NADK2: variants seen among roughly 807,000 people sequenced by gnomAD.
NADK2 encodes the protein NAD kinase 2, mitochondrial.
In NADK2, 35 loss-of-function variants were observed where a neutral mutation model predicts 62.1. That is an observed-to-expected ratio of 0.56 (90% CI 0.43 to 0.75). The LOEUF (loss-of-function observed/expected upper bound fraction) is 0.75, where lower values mean the gene tolerates loss of function less well. Among genes scored for constraint, NADK2 ranks in the 30% least tolerant of loss-of-function variants. The pLI is 0.00. For missense variants in NADK2, 439 were observed against 561.3 expected (o/e 0.78, Z 2.20); for synonymous variants, 205 against 207.9 (o/e 0.99, Z 0.12).
Position 36,211,899 on chromosome 5 carries a change from G to A in NADK2, c.805C>T (p.Leu269Phe). The change falls in exon 7 of 12, where the codon CTT (leucine) becomes TTT (phenylalanine). Residue 269 changes from leucine (L) to phenylalanine (F), a missense_variant. By Grantham distance (22) the Leu-to-Phe change is conservative. Transcript: ENST00000381937. Reference protein sequence around the residue: ...DERSEASGPQLLPVRALNEVF... With the variant: ...DERSEASGPQFLPVRALNEVF... ...TCATTTAGTGCTCTCACTGGCAGAA[G>A]TTGGGGTCCTGAAGCCTCAGACCCT... 6.2e-7 allele frequency: 1 copy of A among 1,613,766 alleles called. No homozygotes were observed. The highest frequency in any genetic ancestry group is 1.1e-5 in the South Asian group (1 of 91,060).
At chr5:36,224,962 TA>T (rs1339523299) in intron 4 of NADK2, among the ~76,000 whole-genome samples, 2 of 152,024 alleles carry the variant, frequency 1.3e-5, no homozygotes, top group African/African-American at 2.4e-5. Flanking sequence ...ATGAGGAATA[TA>T]AATACAAGCC....
At chr5:36,240,156 A>G (rs1748053217) in intron 1 of NADK2, among the ~76,000 whole-genome samples, 1 of 152,206 alleles carries the variant, frequency 6.6e-6, no homozygotes, top group Admixed American at 6.5e-5. Context: ...ACTCCCTAAT[A>G]CAAACTCAAC....
At position 36,201,086 on chromosome 5, in the gene NADK2, AT is replaced by A. The variant is rs1296612436; in HGVS notation, c.1012+19del. 6.2e-7 allele frequency: 1 copy of A among 1,609,756 alleles called. No homozygotes were observed. The highest frequency in any genetic ancestry group is 1.1e-5 in the South Asian group (1 of 90,912). The stretch of plus-strand genomic sequence containing the variant: ...CTGCGGATAAGAGGGGACTACTCCA[AT>A]AGCTGTTTTGGTACTCACCAATATT... On this transcript the variant is annotated intron_variant, in intron 9 of 11. Transcript: ENST00000381937.
chr5:36,218,771 A>G (rs559029448), intron 5 of NADK2, among the ~76,000 whole-genome samples: 1 of 152,312 alleles, frequency 6.6e-6, no homozygotes, highest in East Asian at 1.9e-4. Flanking sequence ...ACATTAAGTA[A>G]AAGAAACTTT....
At chr5:36,196,071 GT>G (rs1250472262) in intron 11 of NADK2, among the ~76,000 whole-genome samples, 4 of 152,086 alleles carry the variant, frequency 2.6e-5, no homozygotes, top group Non-Finnish European at 4.4e-5. Context: ...GGACATTTGG[GT>G]TTTTGGCTAT....
chr5:36,220,528 T>C (rs1437131177), intron 4 of NADK2, among the ~76,000 whole-genome samples: 1 of 152,212 alleles, frequency 6.6e-6, no homozygotes, highest in African/African-American at 2.4e-5. Flanking sequence ...CACAGAAAAG[T>C]GTTTTTACAA....
intron 4 of NADK2, chr5:36,221,811 T>C (rs1747280357): frequency 1.3e-5 from 2 of 152,338 alleles, no homozygotes; most frequent in Non-Finnish European, 2.9e-5. Context: ...AAGTGATCTT[T>C]TACCTTAATG....
In NADK2 at chr5:36,195,013, C is replaced by T; in HGVS notation, c.*131G>A. The T allele has an allele frequency of 1.2e-6, 1 of 866,664 alleles. No individual in the cohort carries two copies. The highest frequency in any genetic ancestry group is 1.7e-6 in the Non-Finnish European group (1 of 584,864). The allele number at this position is 866,664 out of a possible 1,614,324, so 53.7% of individuals were successfully genotyped here. On this transcript the variant is annotated 3_prime_UTR_variant, in exon 12 of 12. Transcript: ENST00000381937. ...ATCAGAATCCAACAGAAGAATAATG[C>T]AAATCTCACTTCTGAGCCCACGGGC...
At chr5:36,218,000 T>C (rs1747112711) in intron 5 of NADK2, 116 bp from the exon 6 acceptor site, 6 of 884,730 alleles carry the variant, frequency 6.8e-6, no homozygotes, top group Non-Finnish European at 1.0e-5. Context: ...AGTTATTCCA[T>C]GAATAAATTA....
At chr5:36,212,172 T>A in intron 6 of NADK2, 1 of 298,452 alleles carries the variant, frequency 3.4e-6, no homozygotes. Context: ...TTGAAGCAAT[T>A]TCTCAAGAGT....
intron 9 of NADK2, among the ~76,000 whole-genome samples, chr5:36,200,730 T>C (rs1746412597): frequency 6.6e-6 from 1 of 151,974 alleles, no homozygotes; most frequent in Non-Finnish European, 1.5e-5. Flanking sequence ...AGTCACTTAG[T>C]AGCTGACTTG....
At chr5:36,201,244 A>G in intron 8 of NADK2, 83 bp from the exon 9 acceptor site, 2 of 1,233,706 alleles carry the variant, frequency 1.6e-6, no homozygotes, top group Admixed American at 4.2e-5. Flanking sequence ...CTTAAAATAT[A>G]GAAAATTCTT....
chr5:36,200,173 C>A, intron 10 of NADK2, 54 bp downstream of exon 10: 1 of 1,335,028 alleles, frequency 7.5e-7, no homozygotes. Context: ...CACTATCATC[C>A]TTAAAACTGA....
chr5:36,234,499 T>C (rs149899954), intron 1 of NADK2, among the ~76,000 whole-genome samples: 179 of 152,204 alleles, frequency 1.2e-3, no homozygotes, highest in Middle Eastern at 3.4e-3. Flanking sequence ...AGAATTATCA[T>C]TGACTAACTT....
intron 10 of NADK2, among the ~76,000 whole-genome samples, chr5:36,198,366 C>T (rs60197910): frequency 0.023 from 3,487 of 151,800 alleles, 140 homozygotes; most frequent in African/African-American, 0.079. Context: ...AAATCTAATT[C>T]ACCCACAAAA....
At chr5:36,213,544 G>A (rs1041699157) in intron 6 of NADK2, among the ~76,000 whole-genome samples, 2 of 146,010 alleles carry the variant, frequency 1.4e-5, no homozygotes, top group Non-Finnish European at 3.0e-5. Context: ...TGGAGCACTT[G>A]TTGTTTACCT....
chr5:36,230,095 G>A (rs1157242637), intron 1 of NADK2, among the ~76,000 whole-genome samples: 1 of 151,968 alleles, frequency 6.6e-6, no homozygotes, highest in Non-Finnish European at 1.5e-5. Context: ...TCCGAACACA[G>A]AAACCAGAGA....
Position 36,202,815 on chromosome 5 carries a change from C to T in NADK2, c.957-1654G>A, listed in dbSNP as rs111955481. Among the ~76,000 whole-genome samples the T allele has an allele frequency of 1.6e-3, 250 of 152,152 alleles. 1 individual carries two copies. The highest frequency in any genetic ancestry group is 5.0e-3 in the African/African-American group (208 of 41,538). ...GGAAGAACTCTGGCTCCTTCAATAA[C>T]CACTTACAGGAAGCCACTTGCCAAT... On this transcript the variant is annotated intron_variant, in intron 8 of 11. Coordinates refer to ENST00000381937, the MANE Select transcript of NADK2 (RefSeq NM_001085411.3).
intron 6 of NADK2, among the ~76,000 whole-genome samples, chr5:36,215,504 T>C (rs2112123619): frequency 6.6e-6 from 1 of 152,302 alleles, no homozygotes; most frequent in Non-Finnish European, 1.5e-5. Context: ...AATAAATTGT[T>C]AATTATAATC....
Sources: gnomAD v4.1 joint callset for allele counts (sites outside exome capture counted in the v4.1 genomes callset) on GRCh38, gnomAD v4.1.1 for gene constraint, MANE v1.5 for transcripts, NCBI Gene and HGNC (gene_info 2026-07-23, HGNC 2026-07-21) for gene names.